Variants in RCSD1 observed in about 807,000 individuals in gnomAD.
RCSD1 encodes capZ-interacting protein.
In RCSD1, 26 loss-of-function variants were observed where a neutral mutation model predicts 42.5. That is an observed-to-expected ratio of 0.61 (90% CI 0.45 to 0.85). RCSD1 has a LOEUF of 0.85. Ranked by LOEUF, RCSD1 falls within the 40% of genes least tolerant of loss-of-function variation. The pLI is 0.00. For missense variants in RCSD1, 571 were observed against 528.3 expected, an observed-to-expected ratio of 1.08 and a Z score of -0.79; for synonymous variants, 220 against 212.2, an observed-to-expected ratio of 1.04 and a Z score of -0.32.
At chr1:167,678,952 T>A (rs1659015584) in intron 1 of RCSD1, among the ~76,000 whole-genome samples, 1 of 152,206 alleles carries the variant, frequency 6.6e-6, no homozygotes, top group Non-Finnish European at 1.5e-5. Context: ...CACATTCCCA[T>A]AAAATAAGTG....
intron 1 of RCSD1, among the ~76,000 whole-genome samples, chr1:167,650,791 C>A (rs904445888): frequency 2.0e-5 from 3 of 152,072 alleles, no homozygotes; most frequent in Non-Finnish European, 4.4e-5. Context: ...GCGGAGTGTG[C>A]GTGGTACGAT....
chr1:167,671,167 T>C (rs1174928695), intron 1 of RCSD1, among the ~76,000 whole-genome samples: 2 of 152,212 alleles, frequency 1.3e-5, no homozygotes, highest in East Asian at 3.8e-4. Context: ...GTCTCATTAA[T>C]AGCCACTGAG....
chr1:167,704,836 G>T lies in RCSD1; in HGVS notation c.*140G>T. ...GTCTGGAGTCAGCCTGAAGACACAG[G>T]GTGGATTATTTCCTGGCCTCCACAC... On this transcript the variant is annotated 3_prime_UTR_variant, in exon 7 of 7. Coordinates refer to ENST00000367854, the MANE Select transcript of RCSD1 (RefSeq NM_052862.4). 1.3e-6 allele frequency: 1 copy of T among 783,546 alleles called. No homozygotes were observed. Among genetic ancestry groups the T allele is most frequent in the Non-Finnish European group, 2.1e-6 (1 of 475,786 alleles). The allele number at this position is 783,546 out of a possible 1,614,324, so 48.5% of individuals were successfully genotyped here.
intron 1 of RCSD1, among the ~76,000 whole-genome samples, chr1:167,644,254 C>T (rs532124618): frequency 7.6e-4 from 116 of 152,198 alleles, no homozygotes; most frequent in African/African-American, 2.6e-3. Context: ...CCGAGGCAGG[C>T]CGATCACCTG....
chr1:167,639,486 T>A (rs946931461), intron 1 of RCSD1, among the ~76,000 whole-genome samples: 1 of 152,044 alleles, frequency 6.6e-6, no homozygotes, highest in Non-Finnish European at 1.5e-5. Flanking sequence ...TCTCATTGTT[T>A]TTTTTTTCTT....
intron 1 of RCSD1, among the ~76,000 whole-genome samples, chr1:167,635,785 G>A (rs1657833725): frequency 6.6e-6 from 1 of 152,150 alleles, no homozygotes; most frequent in Admixed American, 6.5e-5. Context: ...CTGCCATATG[G>A]TAAAGGGATA....
At chr1:167,701,740 C>T (rs575994682) in intron 6 of RCSD1, among the ~76,000 whole-genome samples, 75 of 152,316 alleles carry the variant, frequency 4.9e-4, no homozygotes, top group Non-Finnish European at 8.1e-4. Flanking sequence ...TACCTGTGCA[C>T]GTGTGCATAA....
At chr1:167,698,900 C>T (rs959606474) in intron 6 of RCSD1, among the ~76,000 whole-genome samples, 3 of 151,100 alleles carry the variant, frequency 2.0e-5, no homozygotes, top group Non-Finnish European at 4.4e-5. Context: ...CCCGAGTTCA[C>T]GCCATTCTCC....
At chr1:167,691,145 C>T (rs1329502816) in intron 4 of RCSD1, among the ~76,000 whole-genome samples, 1 of 152,136 alleles carries the variant, frequency 6.6e-6, no homozygotes, top group Non-Finnish European at 1.5e-5. Flanking sequence ...TCGTGCACGG[C>T]AAGATGTTCA....
chr1:167,677,460 G>T (rs1434311986), intron 1 of RCSD1, among the ~76,000 whole-genome samples: 1 of 152,210 alleles, frequency 6.6e-6, no homozygotes, highest in Non-Finnish European at 1.5e-5. Context: ...CCCCCAGGAG[G>T]CAGGTCTGTG....
intron 1 of RCSD1, among the ~76,000 whole-genome samples, chr1:167,662,833 G>A (rs894776446): frequency 6.6e-6 from 1 of 152,144 alleles, no homozygotes; most frequent in African/African-American, 2.4e-5. Flanking sequence ...GAGTTCCCTG[G>A]CCGAGTTTCT....
chr1:167,707,362 A>T lies in RCSD1; in HGVS notation c.*2666A>T, dbSNP rs1003215037. 5.9e-5 allele frequency among the ~76,000 whole-genome samples: 9 copies of T among 152,242 alleles called. No individual in the cohort carries two copies. Among genetic ancestry groups the T allele is most frequent in the Admixed American group, 3.3e-4 (5 of 15,282 alleles). ...TATGATTAGGTTTTCTTGATTAGGG[A>T]TGTGTTTAGTACAGCTGAATGAACA... On this transcript the variant is annotated 3_prime_UTR_variant, in exon 7 of 7. Coordinates refer to ENST00000367854, the MANE Select transcript of RCSD1 (RefSeq NM_052862.4).
intron 1 of RCSD1, among the ~76,000 whole-genome samples, chr1:167,682,670 T>A (rs1350982108): frequency 5.0e-5 from 3 of 60,256 alleles, no homozygotes; most frequent in African/African-American, 8.2e-5. Context: ...CATGGAAGAG[T>A]GTGTGTGTGT....
chr1:167,655,756 A>G (rs1047048067), intron 1 of RCSD1, among the ~76,000 whole-genome samples: 2 of 152,226 alleles, frequency 1.3e-5, no homozygotes, highest in Admixed American at 1.3e-4. Flanking sequence ...GGCAGCTCCA[A>G]TAGAATCTTT....
chr1:167,646,517 CTTT>C (rs1658151767), intron 1 of RCSD1, among the ~76,000 whole-genome samples: 2 of 141,690 alleles, frequency 1.4e-5, no homozygotes, highest in African/African-American at 5.1e-5. Context: ...TTTTCTTTTT[CTTT>C]TTCTTTTTCT....
chr1:167,683,834 C>T, intron 1 of RCSD1, 66 bp from the exon 2 acceptor site: 1 of 1,436,318 alleles, frequency 7.0e-7, no homozygotes, highest in Non-Finnish European at 9.7e-7. Flanking sequence ...AGCCACAAAA[C>T]AGGTGCCTTG....
At chr1:167,700,324 T>C (rs1262776241) in intron 6 of RCSD1, among the ~76,000 whole-genome samples, 1 of 152,128 alleles carries the variant, frequency 6.6e-6, no homozygotes, top group East Asian at 1.9e-4. Flanking sequence ...GTTAAGTTGT[T>C]AGGCAGAGGT....
intron 4 of RCSD1, among the ~76,000 whole-genome samples, chr1:167,691,592 G>A (rs1659379034): frequency 6.6e-6 from 1 of 152,224 alleles, no homozygotes; most frequent in Admixed American, 6.5e-5. Flanking sequence ...TGAGAGCACC[G>A]GCTCACCAAC....
intron 1 of RCSD1, among the ~76,000 whole-genome samples, chr1:167,667,392 A>G (rs916155013): frequency 1.3e-4 from 20 of 152,266 alleles, no homozygotes; most frequent in East Asian, 1.9e-4. Flanking sequence ...TATTAATTCT[A>G]CCTTCTGCAT....
Sources: gnomAD v4.1 joint callset for allele counts (sites outside exome capture counted in the v4.1 genomes callset) on GRCh38, gnomAD v4.1.1 for gene constraint, MANE v1.5 for transcripts, NCBI Gene and HGNC (gene_info 2026-07-23, HGNC 2026-07-21) for gene names.